QPRT: variants seen among roughly 807,000 people sequenced by gnomAD.
The protein encoded by QPRT is nicotinate-nucleotide pyrophosphorylase [carboxylating].
In QPRT, 17 loss-of-function variants were observed where a neutral mutation model predicts 19.8. The ratio of observed to expected loss-of-function variants is 0.86; its 90% CI spans 0.59 to 1.29. The LOEUF is 1.29. Ranked by LOEUF, QPRT falls within the 50% of genes most tolerant of loss-of-function variation. The pLI, the probability that QPRT is intolerant of heterozygous loss-of-function variation, is 0.00. For missense variants in QPRT, 336 were observed against 405.1 expected (o/e 0.83, Z 1.46); for synonymous variants, 178 against 191.0 (o/e 0.93, Z 0.56).
rs761544874 is a variant in QPRT, at chr16:29,695,039, G to A, written c.389G>A (p.Trp130Ter). 3 of 1,605,460 alleles carry A rather than the reference G, an allele frequency of 1.9e-6. No individual in the cohort carries two copies. In the South Asian group the frequency reaches 3.3e-5, roughly 18 times the overall value. Reference protein sequence around the residue: ...AAVEAARGAGWTGHVAGTRKT... With the variant: ...AAVEAARGAG ...GTGGAGGCCGCCAGGGGGGCCGGCT[G>A]GACTGGGCACGTGGCAGGCACGAGG... Residue 130 changes from tryptophan (W) to a stop codon, truncating the protein, a stop_gained, in exon 2 of 4, where the codon TGG (tryptophan) becomes TAG (stop). Coordinates refer to ENST00000395384, the MANE Select transcript of QPRT (RefSeq NM_014298.6). LOFTEE classifies it high-confidence loss of function.
chr16:29,682,045 G>A (rs893793379), intron 1 of QPRT, among the ~76,000 whole-genome samples: 5 of 151,608 alleles, frequency 3.3e-5, no homozygotes, highest in East Asian at 3.9e-4. Context: ...TTTTTTAGAC[G>A]GGGTCTTGTT....
chr16:29,695,297 C>A, intron 2 of QPRT, 98 bp downstream of exon 2: 1 of 1,352,096 alleles, frequency 7.4e-7, no homozygotes, highest in Non-Finnish European at 9.8e-7. Flanking sequence ...GGGTGAACAG[C>A]CATGGCCTGG....
In QPRT at chr16:29,697,546, C is replaced by T. The variant is rs1596801465; in HGVS notation, c.*135C>T. 1 of 858,398 alleles carries T rather than the reference C, an allele frequency of 1.2e-6. No individual in the cohort carries two copies. Among genetic ancestry groups the T allele is most frequent in the Non-Finnish European group, 1.8e-6 (1 of 568,748 alleles). 53.2% of individuals were successfully genotyped at this position (858,398 alleles called of 1,614,324 possible). A position where few individuals can be genotyped will look rare whatever the true frequency, so the allele number is the denominator to read the frequency against. ...CTTGAGCCCAACTCTGGCTCTGCCACCTGCTGCTCCTGTGACCTGTCAGGG... is the reference window on the plus strand; with the variant it reads ...CTTGAGCCCAACTCTGGCTCTGCCATCTGCTGCTCCTGTGACCTGTCAGGG... On this transcript the variant is annotated 3_prime_UTR_variant, in exon 4 of 4. Transcript: ENST00000395384. This position sits in a 1 kb window ranked among gnomAD's most constrained non-coding sequence, Gnocchi z 4.4.
chr16:29,680,103 G>T (rs1966952197), intron 1 of QPRT, among the ~76,000 whole-genome samples: 1 of 151,716 alleles, frequency 6.6e-6, no homozygotes, highest in East Asian at 1.9e-4. Flanking sequence ...GACTACAGGC[G>T]CCCGCCGCCA....
rs573604559 is a variant in QPRT at position 29,695,172 on chromosome 16, T to C, written c.522T>C (p.His174=). The C allele has an allele frequency of 3.3e-5, 52 of 1,562,128 alleles. No homozygotes were observed. The East Asian group carries it at 1.2e-3, about 35-fold the overall frequency. ...GGCTGGTGATGGTGAAGGATAACCA[T>C]GTGGTGGCCGCCGGTGGCGTGGAGA... The part of the protein sequence containing the change: ...LGGLVMVKDN[H]VVAAGGVEKA... The change falls in exon 2 of 4, where the codon CAT becomes CAC. Residue 174 remains histidine, a synonymous_variant. Coordinates refer to ENST00000395384, the MANE Select transcript of QPRT (RefSeq NM_014298.6).
rs761729022 is a variant in QPRT at position 29,694,898 on chromosome 16, C to T, written c.248C>T (p.Pro83Leu). Residue 83 changes from proline (P) to leucine (L), a missense_variant, in exon 2 of 4, where the codon CCG (proline) becomes CTG (leucine). By Grantham distance (98) the Pro-to-Leu change is moderately conservative. Transcript: ENST00000395384. ...CTCCCCGAGGGATCGAAGCTGGTGC[C>T]GGTGGCCAGAGTGGCCGAGGTCCGG... ...WFLPEGSKLV[P>L]VARVAEVRGP... is the part of the protein sequence containing the mutation. 4 of 1,614,026 alleles carry T rather than the reference C, an allele frequency of 2.5e-6. No individual in the cohort carries two copies. Among genetic ancestry groups the T allele is most frequent in the African/African-American group, 1.3e-5 (1 of 75,062 alleles).
chr16:29,686,254 T>C (rs1466794998), intron 1 of QPRT, among the ~76,000 whole-genome samples: 1 of 152,138 alleles, frequency 6.6e-6, no homozygotes, highest in African/African-American at 2.4e-5. Context: ...CCTCCCACCA[T>C]GTCACCTGTG....
chr16:29,697,207 C>A lies in QPRT; in HGVS notation c.690C>A (p.His230Gln). The A allele has an allele frequency of 6.2e-7, 1 of 1,609,918 alleles. No individual in the cohort carries two copies. The highest frequency in any genetic ancestry group is 2.2e-5 in the East Asian group (1 of 44,758). The change falls in exon 4 of 4, where the codon CAC becomes CAA. Residue 230 changes from histidine to glutamine, a missense_variant. Coordinates refer to ENST00000395384, the MANE Select transcript of QPRT (RefSeq NM_014298.6). This position sits in a 1 kb window ranked among gnomAD's most constrained non-coding sequence, Gnocchi z 4.4. ...LLDNFKPEEL[H>Q]PTATVLKAQF... is the part of the protein sequence containing the mutation. The stretch of plus-strand genomic sequence containing the variant: ...TGGCTTGTGTCCCGCAGGAGCTGCA[C>A]CCCACGGCCACCGTGCTGAAGGCCC...
intron 1 of QPRT, among the ~76,000 whole-genome samples, chr16:29,681,104 G>T (rs1440236435): frequency 6.6e-6 from 1 of 151,558 alleles, no homozygotes; most frequent in South Asian, 2.1e-4. Flanking sequence ...GGGGTCCCAT[G>T]CAGGATGCCA....
chr16:29,690,850 C>T (rs1446739151), intron 1 of QPRT, among the ~76,000 whole-genome samples: 3 of 152,080 alleles, frequency 2.0e-5, no homozygotes, highest in East Asian at 2.0e-4. Flanking sequence ...CCACCACGCC[C>T]GGCTAGTTTT....
chr16:29,694,000 T>C (rs1351465163), intron 1 of QPRT, among the ~76,000 whole-genome samples: 1 of 151,858 alleles, frequency 6.6e-6, no homozygotes, highest in Non-Finnish European at 1.5e-5. Flanking sequence ...AATTTTTGTA[T>C]TTTTAGTAGA....
intron 1 of QPRT, among the ~76,000 whole-genome samples, chr16:29,680,251 C>T (rs906095738): frequency 2.6e-5 from 4 of 152,032 alleles, no homozygotes; most frequent in Non-Finnish European, 5.9e-5. Context: ...CCACCGTGCC[C>T]GGCCAACTAA....
intron 1 of QPRT, among the ~76,000 whole-genome samples, chr16:29,681,523 G>A (rs1419453898): frequency 9.0e-6 from 1 of 110,606 alleles, no homozygotes; most frequent in Non-Finnish European, 1.7e-5. Context: ...TTGAGACAGA[G>A]TCTCGCCCTG....
chr16:29,679,819 A>G (rs904521186), intron 1 of QPRT, among the ~76,000 whole-genome samples: 2 of 152,100 alleles, frequency 1.3e-5, no homozygotes, highest in Non-Finnish European at 1.5e-5. Flanking sequence ...ATTGAGTACA[A>G]TCTTTTGATC....
intron 1 of QPRT, among the ~76,000 whole-genome samples, chr16:29,680,412 G>T (rs1966964817): frequency 6.6e-6 from 1 of 152,120 alleles, no homozygotes; most frequent in South Asian, 2.1e-4. Context: ...CTGGCCTGGG[G>T]ACACAATGGC....
chr16:29,689,766 C>T (rs773242458), intron 1 of QPRT, among the ~76,000 whole-genome samples: 14 of 152,046 alleles, frequency 9.2e-5, no homozygotes, highest in Non-Finnish European at 1.6e-4. Flanking sequence ...GTGAAACCTC[C>T]CGTTAGGTTC....
intron 1 of QPRT, 83 bp downstream of exon 1, chr16:29,679,293 C>T: frequency 1.9e-6 from 2 of 1,070,742 alleles, no homozygotes; most frequent in South Asian, 2.8e-5. Flanking sequence ...TGTCTCAGCC[C>T]CTTGTTGCCT....
chr16:29,681,742 G>A (rs1371313598), intron 1 of QPRT, among the ~76,000 whole-genome samples: 1 of 131,762 alleles, frequency 7.6e-6, no homozygotes, highest in African/African-American at 2.9e-5. Context: ...TTTTTTTTTC[G>A]AGATGGAGTC....
intron 1 of QPRT, among the ~76,000 whole-genome samples, chr16:29,688,931 C>T (rs1037132003): frequency 2.0e-5 from 3 of 151,222 alleles, no homozygotes; most frequent in Non-Finnish European, 4.4e-5. Flanking sequence ...CAGGCGCACA[C>T]CACCATGCCC....
Sources: allele counts gnomAD v4.1 joint callset (sites outside exome capture counted in the v4.1 genomes callset), GRCh38; gene constraint gnomAD v4.1.1; non-coding constraint Gnocchi (gnomAD v3.1); transcripts MANE v1.5; gene names NCBI Gene and HGNC (gene_info 2026-07-23, HGNC 2026-07-21).